The following TAOK3 variants were observed in gnomAD, a reference collection of about 807,000 sequenced individuals.
The protein encoded by TAOK3 is serine/threonine-protein kinase TAO3.
Under a neutral mutation model 120.4 loss-of-function variants are expected in TAOK3, and 40 were observed. That is an observed-to-expected ratio of 0.33 (90% CI 0.26 to 0.43). The LOEUF is 0.43. Ranked by LOEUF, TAOK3 falls within the 20% of genes least tolerant of loss-of-function variation. The pLI is 1.00. For synonymous variants in TAOK3, 355 were observed against 387.5 expected (o/e 0.92, Z 0.99); for missense variants, 821 against 1,112.1 (o/e 0.74, Z 3.72).
rs755192239 is a variant in TAOK3 at position 118,201,412 on chromosome 12, G to C, written c.871C>G (p.Gln291Glu). The C allele has an allele frequency of 6.2e-7, 1 of 1,613,964 alleles. No individual in the cohort carries two copies. Among genetic ancestry groups the C allele is most frequent in the Admixed American group, 1.7e-5 (1 of 60,002 alleles). The change falls in exon 12 of 21, where the codon CAG becomes GAG. Residue 291 changes from glutamine to glutamate, a missense_variant. This residue lies in a region of TAOK3 where 467 missense variants were observed against 540.0 expected (regional missense o/e 0.86). Coordinates refer to ENST00000392533, the MANE Select transcript of TAOK3 (RefSeq NM_016281.4). ...RPLRVLIDLI[Q>E]RTKDAVRELD... ...TCACGAACTGCATCTTTTGTCCTCT[G>C]TATGAGGTCAATGAGGACACGTAGT...
intron 11 of TAOK3, among the ~76,000 whole-genome samples, chr12:118,205,799 T>C (rs1432019611): frequency 2.6e-5 from 4 of 152,054 alleles, no homozygotes; most frequent in South Asian, 4.1e-4. Context: ...TTAGTAGAGA[T>C]GGGGTTTCAC....
At chr12:118,179,946 G>GAT (rs1565905138) in intron 15 of TAOK3, among the ~76,000 whole-genome samples, 1 of 102,446 alleles carries the variant, frequency 9.8e-6, no homozygotes, top group African/African-American at 3.6e-5. Context: ...ATGCCTGGCT[G>GAT]GTTTTTTTTT....
chr12:118,214,744 TTC>T (rs2038801802), intron 9 of TAOK3, among the ~76,000 whole-genome samples: 1 of 79,756 alleles, frequency 1.3e-5, no homozygotes, highest in African/African-American at 5.2e-5. Flanking sequence ...ATTTCTTTCT[TTC>T]TTTTTTTTTT....
intron 1 of TAOK3, among the ~76,000 whole-genome samples, chr12:118,323,262 AG>A (rs2140963090): frequency 6.6e-6 from 1 of 152,310 alleles, no homozygotes; most frequent in East Asian, 1.9e-4. Flanking sequence ...ATGAAACAAC[AG>A]GGTCTCAAAA....
At chr12:118,360,157 C>T (rs1566174245) in intron 1 of TAOK3, among the ~76,000 whole-genome samples, 3 of 151,458 alleles carry the variant, frequency 2.0e-5, no homozygotes, top group Admixed American at 1.3e-4. Flanking sequence ...CTCAGGTACT[C>T]GGGAGGCTGA....
At chr12:118,188,384 C>A (rs1437266936) in intron 14 of TAOK3, among the ~76,000 whole-genome samples, 1 of 152,280 alleles carries the variant, frequency 6.6e-6, no homozygotes, top group East Asian at 1.9e-4. Context: ...AGGTGCCTAA[C>A]AATCATTAGC....
intron 1 of TAOK3, among the ~76,000 whole-genome samples, chr12:118,353,565 T>C (rs916003646): frequency 6.6e-6 from 1 of 152,060 alleles, no homozygotes; most frequent in African/African-American, 2.4e-5. Context: ...GGGAGTGACA[T>C]GCTAGAAGTA....
chr12:118,195,609 T>C (rs2037675304), intron 13 of TAOK3, among the ~76,000 whole-genome samples: 1 of 152,226 alleles, frequency 6.6e-6, no homozygotes, highest in Admixed American at 6.5e-5. Flanking sequence ...AAAAGGTTCC[T>C]GAAGAACTAC....
At chr12:118,301,374 G>C (rs2042874628) in intron 1 of TAOK3, among the ~76,000 whole-genome samples, 1 of 152,188 alleles carries the variant, frequency 6.6e-6, no homozygotes, top group Non-Finnish European at 1.5e-5. Context: ...CAGGGAACTT[G>C]ATAATAAAAG....
intron 1 of TAOK3, among the ~76,000 whole-genome samples, chr12:118,286,382 AAAAC>A: frequency 6.6e-6 from 1 of 152,332 alleles, no homozygotes; most frequent in Non-Finnish European, 1.5e-5. Context: ...TAGCAAGAAA[AAAAC>A]AAACAATTCC....
At chr12:118,227,900 A>G (rs1182970177) in intron 9 of TAOK3, among the ~76,000 whole-genome samples, 2 of 152,158 alleles carry the variant, frequency 1.3e-5, no homozygotes, top group African/African-American at 2.4e-5. Context: ...CCCCCAAAGG[A>G]ATATATATTT....
At chr12:118,306,555 A>T (rs763303092) in intron 1 of TAOK3, among the ~76,000 whole-genome samples, 12 of 152,086 alleles carry the variant, frequency 7.9e-5, no homozygotes, top group Non-Finnish European at 1.5e-4. Context: ...AATGGATGTG[A>T]AACGTTTCAT....
chr12:118,310,564 C>T (rs1184478991), intron 1 of TAOK3, among the ~76,000 whole-genome samples: 5 of 152,058 alleles, frequency 3.3e-5, no homozygotes. Context: ...TCTCATTTTT[C>T]TTGGAGTTCA....
chr12:118,152,178 AC>A, intron 20 of TAOK3, 48 bp downstream of exon 20: 2 of 1,574,142 alleles, frequency 1.3e-6, no homozygotes, highest in Non-Finnish European at 1.7e-6. Context: ...TCCCTCAGCC[AC>A]GCCCCCTTCC....
intron 1 of TAOK3, among the ~76,000 whole-genome samples, chr12:118,330,593 T>G (rs2141017316): frequency 6.6e-6 from 1 of 152,124 alleles, no homozygotes; most frequent in East Asian, 1.9e-4. Context: ...GGAAGTATAC[T>G]GAATGGCAGC....
chr12:118,359,510 G>A (rs1181828252), intron 1 of TAOK3: 1 of 152,162 alleles, frequency 6.6e-6, no homozygotes, highest in African/African-American at 2.4e-5. Flanking sequence ...ACTTACAGGA[G>A]GACAACTCAC....
At chr12:118,309,498 G>T (rs1162477192) in intron 1 of TAOK3, among the ~76,000 whole-genome samples, 1 of 151,432 alleles carries the variant, frequency 6.6e-6, no homozygotes, top group African/African-American at 2.4e-5. Flanking sequence ...CTCCCTTCTT[G>T]GCTCAAATGG....
intron 9 of TAOK3, among the ~76,000 whole-genome samples, chr12:118,230,472 T>G (rs1159807627): frequency 1.6e-5 from 2 of 128,044 alleles, no homozygotes; most frequent in East Asian, 2.2e-4. Context: ...TTTTTTTTTT[T>G]TTTTTTTTTT....
intron 5 of TAOK3, among the ~76,000 whole-genome samples, 160 bp downstream of exon 5, chr12:118,243,255 C>G (rs902616976): frequency 4.0e-5 from 6 of 151,374 alleles, no homozygotes; most frequent in Admixed American, 6.6e-5. Flanking sequence ...GAATATATAC[C>G]AAGTGACACA....
Sources: allele counts gnomAD v4.1 joint callset (sites outside exome capture counted in the v4.1 genomes callset), GRCh38; gene constraint gnomAD v4.1.1; regional missense constraint gnomAD v4.1.1; transcripts MANE v1.5; gene names NCBI Gene and HGNC (gene_info 2026-07-23, HGNC 2026-07-21).